Variants in SDK1 observed in about 807,000 individuals in gnomAD.
SDK1 encodes the protein protein sidekick-1.
Under a neutral mutation model 245.5 loss-of-function variants are expected in SDK1, and 157 were observed. The ratio of observed to expected loss-of-function variants is 0.64; its 90% CI spans 0.56 to 0.73. SDK1 has a LOEUF of 0.73. SDK1 is among the 30% of genes least tolerant of loss of function. The pLI, the probability that SDK1 is intolerant of heterozygous loss-of-function variation, is 0.00. For synonymous variants in SDK1, 1,647 were observed against 1,278.5 expected (o/e 1.29, Z -6.15); for missense variants, 3,583 against 3,002.3 (o/e 1.19, Z -4.52).
intron 40 of SDK1, among the ~76,000 whole-genome samples, chr7:4,225,407 G>C (rs1395516071): frequency 6.6e-6 from 1 of 152,204 alleles, no homozygotes; most frequent in Non-Finnish European, 1.5e-5. Flanking sequence ...TCTTGTGTGG[G>C]AGAGCGGCCT....
rs1020459477 is a variant in SDK1, at chr7:3,367,069, G to A, written c.298+65185G>A. 2.6e-5 allele frequency among the ~76,000 whole-genome samples: 4 copies of A among 152,260 alleles called. No individual in the cohort carries two copies. In the South Asian group the frequency reaches 6.2e-4, roughly 24 times the overall value. On this transcript the variant is annotated intron_variant, in intron 1 of 44. Coordinates refer to ENST00000404826, the MANE Select transcript of SDK1 (RefSeq NM_152744.4). Reference sequence around the variant, plus strand: ...GTTTTTATTTCTAAAGAGGAAGGAAGATTATTTATTTGGAAGATAAGTTGT... The same window carrying A: ...GTTTTTATTTCTAAAGAGGAAGGAAAATTATTTATTTGGAAGATAAGTTGT...
At chr7:3,767,240 G>A (rs1031396181) in intron 4 of SDK1, among the ~76,000 whole-genome samples, 1 of 152,154 alleles carries the variant, frequency 6.6e-6, no homozygotes, top group African/African-American at 2.4e-5. Context: ...AAGACCACTC[G>A]TGGCTGCAGA....
rs112447898 is a variant in SDK1, at chr7:4,244,853, C to T, written c.6252-823C>T. Among the ~76,000 whole-genome samples the T allele has an allele frequency of 1.2e-3, 179 of 152,278 alleles. 1 individual carries two copies. The highest frequency in any genetic ancestry group is 4.1e-3 in the African/African-American group (169 of 41,566). ...CTCTTCTTGGCCCTCCTCTGGAGGC[C>T]GCCCTCATGTCCTGGAGGCCGCTCA... is the stretch of plus-strand genomic sequence containing the variant. On this transcript the variant is annotated intron_variant, in intron 43 of 44. Transcript: ENST00000404826.
intron 25 of SDK1, among the ~76,000 whole-genome samples, chr7:4,123,829 A>G (rs895108765): frequency 6.6e-6 from 1 of 152,224 alleles, no homozygotes; most frequent in African/African-American, 2.4e-5. Flanking sequence ...AGCCGATCTA[A>G]TGTCCATGCA....
At chr7:4,036,296 GT>G (rs1433953759) in intron 17 of SDK1, among the ~76,000 whole-genome samples, 2 of 152,170 alleles carry the variant, frequency 1.3e-5, no homozygotes, top group African/African-American at 4.8e-5. Context: ...TAGGTCGACA[GT>G]TCTTCTTTTT....
chr7:4,253,997 G>C (rs974214308), intron 44 of SDK1, among the ~76,000 whole-genome samples: 3 of 151,784 alleles, frequency 2.0e-5, no homozygotes, highest in African/African-American at 7.3e-5. Flanking sequence ...GGATATTTTT[G>C]TTAGTGTCTT....
At chr7:3,568,675 C>G (rs1456502144) in intron 1 of SDK1, among the ~76,000 whole-genome samples, 1 of 152,146 alleles carries the variant, frequency 6.6e-6, no homozygotes, top group Non-Finnish European at 1.5e-5. Context: ...GCAGACAGAG[C>G]CATTATAATT....
At chr7:4,069,840 T>C (rs1013240214) in intron 20 of SDK1, among the ~76,000 whole-genome samples, 2 of 152,228 alleles carry the variant, frequency 1.3e-5, no homozygotes, top group Non-Finnish European at 2.9e-5. Flanking sequence ...GGGTGTCTTA[T>C]AACCGAGGCC....
At chr7:4,262,819 C>T (rs1460195779) in intron 44 of SDK1, among the ~76,000 whole-genome samples, 1 of 53,046 alleles carries the variant, frequency 1.9e-5, no homozygotes, top group Non-Finnish European at 3.9e-5. Context: ...CACCCCCTAC[C>T]CCTCCCCTCC....
chr7:3,432,161 T>A (rs1189910975), intron 1 of SDK1, among the ~76,000 whole-genome samples: 3 of 148,330 alleles, frequency 2.0e-5, no homozygotes, highest in African/African-American at 4.9e-5. Flanking sequence ...AAATATATAT[T>A]TTTATATATA....
At chr7:3,658,963 C>T (rs1418480759) in intron 4 of SDK1, among the ~76,000 whole-genome samples, 2 of 152,070 alleles carry the variant, frequency 1.3e-5, no homozygotes, top group Non-Finnish European at 2.9e-5. Context: ...CAGAAGAAAA[C>T]CCTGTACCCC....
chr7:3,820,238 C>T (rs1779611058), intron 4 of SDK1, among the ~76,000 whole-genome samples: 2 of 152,192 alleles, frequency 1.3e-5, no homozygotes, highest in African/African-American at 2.4e-5. Context: ...CAGCCTCCGC[C>T]TCCCAGGTTC....
intron 4 of SDK1, among the ~76,000 whole-genome samples, chr7:3,760,169 GAT>G (rs1251315340): frequency 6.6e-6 from 1 of 152,116 alleles, no homozygotes; most frequent in East Asian, 1.9e-4. Flanking sequence ...ATTTGTGAAA[GAT>G]AAAATTTCTC....
In SDK1 at chr7:3,618,518, C is replaced by T. The variant is rs143746313; in HGVS notation, c.299-562C>T. Reference sequence around the variant, plus strand: ...TTGTTGCTGCATTCTCGCTGCAGTGCGCTGTTCCATTATGTGAATATACCA... The same window carrying T: ...TTGTTGCTGCATTCTCGCTGCAGTGTGCTGTTCCATTATGTGAATATACCA... On this transcript the variant is annotated intron_variant, in intron 1 of 44. Coordinates refer to ENST00000404826, the MANE Select transcript of SDK1 (RefSeq NM_152744.4). Among the ~76,000 whole-genome samples, 484 of 152,308 alleles carry T rather than the reference C, an allele frequency of 3.2e-3. 2 individuals carry two copies. The highest frequency in any genetic ancestry group is 0.011 in the African/African-American group (452 of 41,562).
At chr7:4,167,760 C>T (rs1006608898) in intron 32 of SDK1, among the ~76,000 whole-genome samples, 4 of 152,246 alleles carry the variant, frequency 2.6e-5, no homozygotes, top group South Asian at 2.1e-4. Flanking sequence ...GCTGGGGACA[C>T]GGGTCTGTGG....
At chr7:4,108,452 G>C (rs1385341323) in intron 22 of SDK1, among the ~76,000 whole-genome samples, 1 of 150,946 alleles carries the variant, frequency 6.6e-6, no homozygotes, top group East Asian at 1.9e-4. Context: ...TGAGGGTTTT[G>C]ATGTCTACCC....
chr7:3,341,938 C>T (rs150521470), intron 1 of SDK1, among the ~76,000 whole-genome samples: 46 of 152,198 alleles, frequency 3.0e-4, no homozygotes, highest in Non-Finnish European at 5.7e-4. Context: ...ATTGAAAAAC[C>T]TGTATGGAAA....
At chr7:3,550,270 A>G (rs1277094600) in intron 1 of SDK1, among the ~76,000 whole-genome samples, 2 of 152,212 alleles carry the variant, frequency 1.3e-5, no homozygotes, top group African/African-American at 2.4e-5. Flanking sequence ...AAATAATCCC[A>G]TAATATTTCA....
At chr7:3,564,671 A>G (rs1391194099) in intron 1 of SDK1, among the ~76,000 whole-genome samples, 1 of 152,164 alleles carries the variant, frequency 6.6e-6, no homozygotes, top group Non-Finnish European at 1.5e-5. Context: ...CCTAAGAAAT[A>G]CAGAACATGA....
Sources: allele counts gnomAD v4.1 joint callset (sites outside exome capture counted in the v4.1 genomes callset), GRCh38; gene constraint gnomAD v4.1.1; transcripts MANE v1.5; gene names NCBI Gene and HGNC (gene_info 2026-07-23, HGNC 2026-07-21).